OSBPL6: variants seen among roughly 807,000 people sequenced by gnomAD.
OSBPL6 encodes the protein oxysterol binding protein like 6, also known as oxysterol-binding protein-related protein 6.
A neutral mutation model predicts 125.8 loss-of-function variants in OSBPL6; 49 were observed. The observed-to-expected ratio is 0.39, with a 90% confidence interval of 0.31 to 0.49. OSBPL6 has a LOEUF of 0.49. OSBPL6 is among the 20% of genes least tolerant of loss of function. The pLI, the probability that OSBPL6 is intolerant of heterozygous loss-of-function variation, is 0.88. For synonymous variants in OSBPL6, 394 were observed against 391.8 expected (o/e 1.01, Z -0.07); for missense variants, 986 against 1,135.4 (o/e 0.87, Z 1.89).
chr2:178,348,106 C>T (rs1048720409), intron 11 of OSBPL6, among the ~76,000 whole-genome samples: 4 of 152,162 alleles, frequency 2.6e-5, no homozygotes, highest in African/African-American at 4.8e-5. Flanking sequence ...CTTCTCCTTC[C>T]CCCTTTCTCT....
At chr2:178,299,589 C>A (rs568962080) in intron 2 of OSBPL6, among the ~76,000 whole-genome samples, 2 of 152,076 alleles carry the variant, frequency 1.3e-5, no homozygotes, top group South Asian at 4.2e-4. Flanking sequence ...CAAAGTTAAC[C>A]CATAAGCAGT....
intron 1 of OSBPL6, among the ~76,000 whole-genome samples, chr2:178,207,175 A>G (rs2089582303): frequency 6.6e-6 from 1 of 152,218 alleles, no homozygotes; most frequent in Admixed American, 6.5e-5. Flanking sequence ...TCCCATGGCT[A>G]CTGTAATAAA....
At chr2:178,212,891 T>A (rs2089924939) in intron 1 of OSBPL6, among the ~76,000 whole-genome samples, 1 of 151,668 alleles carries the variant, frequency 6.6e-6, no homozygotes, top group Non-Finnish European at 1.5e-5. Context: ...GACTGCAACC[T>A]CCACCTCCCG....
chr2:178,314,335 G>T (rs1044594926), intron 3 of OSBPL6, among the ~76,000 whole-genome samples: 1 of 152,200 alleles, frequency 6.6e-6, no homozygotes, highest in Non-Finnish European at 1.5e-5. Context: ...TGAATTATTA[G>T]CTCTGTGTAG....
intron 1 of OSBPL6, among the ~76,000 whole-genome samples, chr2:178,204,167 G>T (rs1159770100): frequency 6.6e-6 from 1 of 151,964 alleles, no homozygotes; most frequent in Non-Finnish European, 1.5e-5. Flanking sequence ...GGGACTACGG[G>T]TGCATGCCAC....
intron 3 of OSBPL6, among the ~76,000 whole-genome samples, chr2:178,315,920 G>A (rs754621972): frequency 3.3e-5 from 5 of 152,104 alleles, no homozygotes; most frequent in Admixed American, 6.6e-5. Flanking sequence ...CTATAAAAAC[G>A]TCATCCCAAA....
chr2:178,211,325 A>G (rs1431455454), intron 1 of OSBPL6, among the ~76,000 whole-genome samples: 1 of 152,176 alleles, frequency 6.6e-6, no homozygotes, highest in East Asian at 1.9e-4. Flanking sequence ...GTCCTGAACC[A>G]CTCAGTTAAT....
chr2:178,373,627 G>A (rs997441657), intron 14 of OSBPL6, among the ~76,000 whole-genome samples: 4 of 152,126 alleles, frequency 2.6e-5, no homozygotes, highest in Admixed American at 6.6e-5. Context: ...TATTCATAGC[G>A]GCTTAACCTG....
At chr2:178,281,322 G>T (rs117066055) in intron 1 of OSBPL6, among the ~76,000 whole-genome samples, 1 of 151,932 alleles carries the variant, frequency 6.6e-6, no homozygotes, top group Non-Finnish European at 1.5e-5. Context: ...CGCTTTTGAC[G>T]TTTTCCTCAT....
chr2:178,223,671 T>C (rs1052877150), intron 1 of OSBPL6, among the ~76,000 whole-genome samples: 2 of 152,320 alleles, frequency 1.3e-5, no homozygotes, highest in Admixed American at 6.5e-5. Flanking sequence ...ACTAAGTGAT[T>C]GGATTCCATT....
At chr2:178,297,722 G>A (rs544633128) in intron 2 of OSBPL6, among the ~76,000 whole-genome samples, 12 of 152,270 alleles carry the variant, frequency 7.9e-5, no homozygotes, top group East Asian at 5.8e-4. Context: ...GCAGATTGGC[G>A]TGACAATTCT....
chr2:178,338,396 C>A (rs1689895080), intron 9 of OSBPL6, among the ~76,000 whole-genome samples: 1 of 151,984 alleles, frequency 6.6e-6, no homozygotes, highest in African/African-American at 2.4e-5. Flanking sequence ...TTAATTCAGA[C>A]AGAATGAGTT....
At chr2:178,322,630 T>C (rs1476335648) in intron 3 of OSBPL6, among the ~76,000 whole-genome samples, 1 of 152,104 alleles carries the variant, frequency 6.6e-6, no homozygotes, top group Non-Finnish European at 1.5e-5. Context: ...TTGTACTTTA[T>C]TATATTTATT....
chr2:178,375,465 CG>C (rs1693782178), intron 15 of OSBPL6, among the ~76,000 whole-genome samples: 1 of 152,038 alleles, frequency 6.6e-6, no homozygotes, highest in African/African-American at 2.4e-5. Flanking sequence ...TCTTGTTGCC[CG>C]GGCTGGAGGG....
At chr2:178,307,819 G>A (rs1321825978) in intron 3 of OSBPL6, among the ~76,000 whole-genome samples, 1 of 152,096 alleles carries the variant, frequency 6.6e-6, no homozygotes, top group African/African-American at 2.4e-5. Context: ...GGAGAATTGT[G>A]GCAAATGGTA....
chr2:178,357,893 A>G (rs963704269), intron 12 of OSBPL6, among the ~76,000 whole-genome samples: 1 of 152,242 alleles, frequency 6.6e-6, no homozygotes, highest in Non-Finnish European at 1.5e-5. Flanking sequence ...ACCATGGAAT[A>G]CTATGCAGCC....
intron 1 of OSBPL6, among the ~76,000 whole-genome samples, chr2:178,264,119 A>G (rs1281604239): frequency 1.3e-5 from 2 of 152,110 alleles, no homozygotes; most frequent in Non-Finnish European, 1.5e-5. Flanking sequence ...TTGTCCAGTA[A>G]TATCTTTCAG....
At chr2:178,390,249 T>C (rs2154118326) in intron 21 of OSBPL6, among the ~76,000 whole-genome samples, 1 of 152,372 alleles carries the variant, frequency 6.6e-6, no homozygotes, top group South Asian at 2.1e-4. Context: ...GGTTGGACCC[T>C]TCAGAACTCT....
intron 15 of OSBPL6, among the ~76,000 whole-genome samples, chr2:178,378,685 AT>A (rs1338774017): frequency 2.0e-5 from 3 of 152,230 alleles, no homozygotes; most frequent in Non-Finnish European, 2.9e-5. Flanking sequence ...TTTGATTACA[AT>A]AGTGCAGAGC....
Sources: gnomAD v4.1 joint callset for allele counts (sites outside exome capture counted in the v4.1 genomes callset) on GRCh38, gnomAD v4.1.1 for gene constraint, MANE v1.5 for transcripts, NCBI Gene and HGNC (gene_info 2026-07-23, HGNC 2026-07-21) for gene names.